The following DTNBP1 variants were observed in gnomAD, a reference collection of about 807,000 sequenced individuals.
DTNBP1 encodes the protein dysbindin.
Under a neutral mutation model 42.8 loss-of-function variants are expected in DTNBP1, and 35 were observed. The observed-to-expected ratio is 0.82, with a 90% CI of 0.63 to 1.09. DTNBP1 has a LOEUF of 1.09. Ranked by LOEUF, DTNBP1 falls within the 50% of genes least tolerant of loss-of-function variation. The pLI, the probability that DTNBP1 is intolerant of heterozygous loss-of-function variation, is 0.00. For missense variants in DTNBP1, 457 were observed against 424.2 expected (o/e 1.08, Z -0.68); for synonymous variants, 171 against 162.2 (o/e 1.05, Z -0.41).
Position 15,646,974 on chromosome 6 carries a change from A to C in DTNBP1, c.161+4339T>G, listed in dbSNP as rs1760718945. On this transcript the variant is annotated intron_variant, in intron 3 of 9. Transcript: ENST00000344537. ...GGCCTAAGCAAATAATTTATGACTAAGACATCAAAAACAATTGTGACAAAA... is the reference window on the plus strand; with the variant it reads ...GGCCTAAGCAAATAATTTATGACTACGACATCAAAAACAATTGTGACAAAA... 2.0e-5 allele frequency among the ~76,000 whole-genome samples: 3 copies of C among 152,060 alleles called. No individual in the cohort carries two copies. The South Asian group carries it at 6.2e-4, about 31-fold the overall frequency.
chr6:15,567,633 T>C (rs1243209207), intron 7 of DTNBP1, among the ~76,000 whole-genome samples: 1 of 152,246 alleles, frequency 6.6e-6, no homozygotes, highest in Non-Finnish European at 1.5e-5. Context: ...CCCATCTTTC[T>C]GGATCAAACC....
At chr6:15,650,199 C>T (rs887202346) in intron 3 of DTNBP1, among the ~76,000 whole-genome samples, 1 of 152,204 alleles carries the variant, frequency 6.6e-6, no homozygotes, top group African/African-American at 2.4e-5. Context: ...TACATCTTTA[C>T]CACACATCTG....
chr6:15,662,988 C>CCCCG lies in DTNBP1; in HGVS notation c.-123_-120dup. 1 of 1,414,010 alleles carries CCCCG rather than the reference C, an allele frequency of 7.1e-7. No individual in the cohort carries two copies. The highest frequency in any genetic ancestry group is 9.7e-7 in the Non-Finnish European group (1 of 1,026,536). 87.6% of individuals were successfully genotyped at this position (1,414,010 alleles called of 1,614,324 possible). ...GCGCGCCCCGCACTCCCACTACCGG[C>CCCCG]CCCGCCCCCGGTCTGGTCCTCGCCG... On this transcript the variant is annotated 5_prime_UTR_variant, in exon 1 of 10. Transcript: ENST00000344537.
intron 4 of DTNBP1, among the ~76,000 whole-genome samples, chr6:15,631,917 G>GA (rs1183998865): frequency 3.3e-5 from 5 of 152,172 alleles, no homozygotes; most frequent in Non-Finnish European, 5.9e-5. Flanking sequence ...TCCGAGGAAA[G>GA]AAACAAAACT....
In DTNBP1 at chr6:15,615,102, G is replaced by A. The variant is rs1758640781; in HGVS notation, c.488+165C>T. 5.2e-6 allele frequency: 5 copies of A among 966,582 alleles called. No homozygotes were observed. In the East Asian group the frequency reaches 1.0e-4, roughly 20 times the overall value. 59.9% of individuals were successfully genotyped at this position (966,582 alleles called of 1,614,324 possible). On this transcript the variant is annotated intron_variant, in intron 6 of 9. Transcript: ENST00000344537. ...TTTTTATAACTCATCTCCAAAAGAT[G>A]GCAACAGACAGTGGTTTTTAAAAAA...
chr6:15,662,742 A>G, intron 1 of DTNBP1, 72 bp downstream of exon 1: 14 of 1,592,942 alleles, frequency 8.8e-6, no homozygotes, highest in Middle Eastern at 1.7e-4. Flanking sequence ...CGGGGAAGGG[A>G]GCGAGGCAGG....
At chr6:15,585,638 T>C in intron 7 of DTNBP1, 2 of 1,468,456 alleles carry the variant, frequency 1.4e-6, no homozygotes, top group Non-Finnish European at 9.2e-7. Flanking sequence ...ACCATGCAAA[T>C]ACAGCAATGT....
At chr6:15,618,379 G>T (rs1387480823) in intron 5 of DTNBP1, among the ~76,000 whole-genome samples, 1 of 152,022 alleles carries the variant, frequency 6.6e-6, no homozygotes, top group East Asian at 1.9e-4. Flanking sequence ...CCAAAAAGGG[G>T]GGAAGCGTGG....
intron 7 of DTNBP1, among the ~76,000 whole-genome samples, chr6:15,561,679 C>T (rs757713702): frequency 7.2e-5 from 11 of 152,234 alleles, no homozygotes; most frequent in Non-Finnish European, 1.0e-4. Context: ...ACCACAGCAA[C>T]TCCATCTTGA....
intron 7 of DTNBP1, among the ~76,000 whole-genome samples, chr6:15,571,339 T>C (rs1468371370): frequency 1.3e-5 from 2 of 152,196 alleles, no homozygotes; most frequent in Non-Finnish European, 2.9e-5. Context: ...TCAAGTTCAT[T>C]CAAAGAACTG....
chr6:15,535,269 A>G (rs544051512), intron 7 of DTNBP1, among the ~76,000 whole-genome samples: 2 of 152,238 alleles, frequency 1.3e-5, no homozygotes, highest in South Asian at 4.1e-4. Context: ...AGGCCTCCCC[A>G]GCCATGCAGA....
intron 7 of DTNBP1, chr6:15,585,742 G>A (rs935015110): frequency 6.5e-7 from 1 of 1,535,222 alleles, no homozygotes; most frequent in Non-Finnish European, 8.7e-7. Flanking sequence ...ACTATTTTCG[G>A]TGAGTCCTGG....
intron 7 of DTNBP1, among the ~76,000 whole-genome samples, chr6:15,551,895 G>C (rs979001136): frequency 4.6e-5 from 7 of 152,202 alleles, no homozygotes; most frequent in African/African-American, 1.7e-4. Flanking sequence ...TGATCGCAAA[G>C]CCACAGCCAG....
rs545580239 is a variant in DTNBP1, at chr6:15,595,431, T to C, written c.489-2350A>G. On this transcript the variant is annotated intron_variant, in intron 6 of 9. Coordinates refer to ENST00000344537, the MANE Select transcript of DTNBP1 (RefSeq NM_032122.5). ...AGCCACCCACCACCACATGCCTGGC[T>C]AATTTTTGTATTTTTAGTAGAGATG... 2.7e-4 allele frequency among the ~76,000 whole-genome samples: 41 copies of C among 151,932 alleles called. 1 individual carries two copies. The South Asian group carries it at 8.1e-3, about 30-fold the overall frequency.
chr6:15,627,384 G>GGGAGCTGCT lies in DTNBP1; in HGVS notation c.305_313dup (p.Gln102_Leu104dup), dbSNP rs1250089628. The GGGAGCTGCT allele has an allele frequency of 1.9e-6, 3 of 1,613,876 alleles. No individual in the cohort carries two copies. The highest frequency in any genetic ancestry group is 1.3e-5 in the African/African-American group (1 of 75,018). On this transcript the variant is annotated inframe_insertion, in exon 5 of 10. Transcript: ENST00000344537. Reference sequence around the variant, plus strand: ...GGATTCTAAGTCTGCGATTAAAGCTGGGAGCTGCTGGAGCTGCTCTTGCAG... The same window carrying GGGAGCTGCT: ...GGATTCTAAGTCTGCGATTAAAGCTGGGAGCTGCTGGAGCTGCTGGAGCTGCTCTTGCAG...
chr6:15,542,039 C>T (rs557027918), intron 7 of DTNBP1, among the ~76,000 whole-genome samples: 2 of 152,186 alleles, frequency 1.3e-5, no homozygotes, highest in East Asian at 1.9e-4. Flanking sequence ...AGTAATCTCT[C>T]TATTAAAGAT....
At chr6:15,651,959 A>G (rs932606506) in intron 2 of DTNBP1, 128 bp downstream of exon 2, 1 of 774,378 alleles carries the variant, frequency 1.3e-6, no homozygotes, top group Non-Finnish European at 2.1e-6. Flanking sequence ...AAGAATCGAT[A>G]AATTATTTTG....
intron 1 of DTNBP1, among the ~76,000 whole-genome samples, chr6:15,655,460 G>A (rs1761227760): frequency 1.3e-5 from 2 of 152,140 alleles, no homozygotes; most frequent in South Asian, 4.2e-4. Flanking sequence ...AATCTTTTAG[G>A]TATTCATCTT....
intron 7 of DTNBP1, among the ~76,000 whole-genome samples, chr6:15,560,338 G>A (rs1343600607): frequency 1.3e-5 from 2 of 151,898 alleles, no homozygotes; most frequent in Non-Finnish European, 2.9e-5. Flanking sequence ...TAGTTATAAC[G>A]ATTTAAAATT....
Sources: gnomAD v4.1 joint callset for allele counts (sites outside exome capture counted in the v4.1 genomes callset) on GRCh38, gnomAD v4.1.1 for gene constraint, MANE v1.5 for transcripts, NCBI Gene and HGNC (gene_info 2026-07-23, HGNC 2026-07-21) for gene names.